The following NDRG4 variants were observed in gnomAD, a reference collection of about 807,000 sequenced individuals.
The protein encoded by NDRG4 is NDRG family member 4, also known as protein NDRG4.
NDRG4 carries 38 observed loss-of-function variants against 55.8 expected under a neutral mutation model. The observed-to-expected ratio is 0.68, with a 90% confidence interval of 0.53 to 0.89. The LOEUF (loss-of-function observed/expected upper bound fraction) is 0.89, where lower values mean the gene tolerates loss of function less well. Ranked by LOEUF, NDRG4 falls within the 40% of genes least tolerant of loss-of-function variation. The probability of loss-of-function intolerance (pLI) is 0.00; values close to 1 mark genes in which losing one functional copy is unlikely to be tolerated. For synonymous variants in NDRG4, 190 were observed against 182.7 expected (o/e 1.04, Z -0.32); for missense variants, 455 against 468.6 (o/e 0.97, Z 0.27).
chr16:58,487,647 G>A (rs1462698524), intron 1 of NDRG4: 14 of 797,260 alleles, frequency 1.8e-5, no homozygotes, highest in Non-Finnish European at 2.7e-5. Flanking sequence ...GGGGCCAGGG[G>A]GACAGTGCAT....
Position 58,512,806 on chromosome 16 carries a change from C to T in NDRG4, c.*1230C>T, listed in dbSNP as rs2038939417. The T allele has an allele frequency of 1.1e-4, 17 of 152,768 alleles. No individual in the cohort carries two copies. The Admixed American group carries it at 1.1e-3, about 10-fold the overall frequency. 9.5% of individuals were successfully genotyped at this position (152,768 alleles called of 1,614,324 possible). A position where few individuals can be genotyped will look rare whatever the true frequency, so the allele number is the denominator to read the frequency against. On this transcript the variant is annotated 3_prime_UTR_variant, in exon 15 of 15. Transcript: ENST00000570248. ...CCATAGCATCTTGCGGCCCAGAAACCAGAGCCATTTGTCTCAGACCCTAAA... is the reference window on the plus strand; with the variant it reads ...CCATAGCATCTTGCGGCCCAGAAACTAGAGCCATTTGTCTCAGACCCTAAA...
chr16:58,488,940 C>A (rs1333749105), intron 2 of NDRG4, among the ~76,000 whole-genome samples: 1 of 152,140 alleles, frequency 6.6e-6, no homozygotes, highest in Non-Finnish European at 1.5e-5. Flanking sequence ...AGCTGCTACC[C>A]CAGGATGCTT....
At chr16:58,481,789 G>T (rs1482822491) in intron 1 of NDRG4, among the ~76,000 whole-genome samples, 1 of 152,106 alleles carries the variant, frequency 6.6e-6, no homozygotes, top group Non-Finnish European at 1.5e-5. Flanking sequence ...CCTGAGGGAA[G>T]ATTGAGCCCC....
intron 5 of NDRG4, 68 bp from the exon 6 acceptor site, chr16:58,506,319 T>TTG: frequency 6.7e-7 from 1 of 1,482,868 alleles, no homozygotes; most frequent in Non-Finnish European, 9.4e-7. Context: ...CTTGAAGACT[T>TTG]TACAGAGTGT....
intron 2 of NDRG4, among the ~76,000 whole-genome samples, chr16:58,493,664 C>G (rs2036047386): frequency 6.6e-6 from 1 of 152,258 alleles, no homozygotes; most frequent in African/African-American, 2.4e-5. Flanking sequence ...AGCTTCTCCT[C>G]TAATCCTCAC....
chr16:58,489,875 C>T lies in NDRG4; in HGVS notation c.72+2025C>T, dbSNP rs573900706. Reference sequence around the variant, plus strand: ...TTTCTTTTCTTCTGAAGCAGGGTCTCACTCTGTCACCCAGGCTGGAGTGCA... The same window carrying T: ...TTTCTTTTCTTCTGAAGCAGGGTCTTACTCTGTCACCCAGGCTGGAGTGCA... On this transcript the variant is annotated intron_variant, in intron 2 of 15. Transcript: ENST00000258187. Among the ~76,000 whole-genome samples, 12 of 152,132 alleles carry T rather than the reference C, an allele frequency of 7.9e-5. No individual in the cohort carries two copies. The East Asian group carries it at 1.5e-3, about 20-fold the overall frequency.
At chr16:58,484,453 A>G (rs1472581109) in intron 1 of NDRG4, among the ~76,000 whole-genome samples, 4 of 152,338 alleles carry the variant, frequency 2.6e-5, no homozygotes, top group Non-Finnish European at 4.4e-5. Context: ...ATTGCAAATA[A>G]GTGAGGCTTT....
Position 58,505,710 on chromosome 16 carries a change from TTTC to T in NDRG4, c.373-674_373-672del, listed in dbSNP as rs200347211. Among the ~76,000 whole-genome samples, 263 of 122,718 alleles carry T rather than the reference TTTC, an allele frequency of 2.1e-3. 22 individuals carry two copies. The highest frequency in any genetic ancestry group is 0.014 in the East Asian group (46 of 3,352). The allele number at this position is 122,718 out of a possible 152,430, so 80.5% of individuals were successfully genotyped here. ...TTAATTTATATCATGAGGGCTTCATTTTCTTTTTTTTTTTTTTTTTTTTTTTTT... is the reference window on the plus strand; with the variant it reads ...TTAATTTATATCATGAGGGCTTCATTTTTTTTTTTTTTTTTTTTTTTTTTT... On this transcript the variant is annotated intron_variant, in intron 5 of 14. Coordinates refer to ENST00000570248, the MANE Select transcript of NDRG4 (RefSeq NM_001242835.2).
At chr16:58,468,152 T>G (rs2032074090) in intron 1 of NDRG4, among the ~76,000 whole-genome samples, 1 of 152,108 alleles carries the variant, frequency 6.6e-6, no homozygotes, top group South Asian at 2.1e-4. Context: ...AGGAGACCCA[T>G]GGGTTGTCAT....
chr16:58,473,631 C>A (rs1447142070), intron 1 of NDRG4, among the ~76,000 whole-genome samples: 1 of 152,190 alleles, frequency 6.6e-6, no homozygotes, highest in Non-Finnish European at 1.5e-5. Flanking sequence ...CTTCTCTCTT[C>A]CTCTCCTGCC....
Position 58,464,907 on chromosome 16 carries a change from G to T in NDRG4, c.-24+1110G>T, listed in dbSNP as rs1597006174. On this transcript the variant is annotated intron_variant, in intron 1 of 15. Coordinates refer to the NDRG4 transcript ENST00000258187. This position sits in a 1 kb window ranked among gnomAD's most constrained non-coding sequence, Gnocchi z 4.8. ...GGGGAGAAGTTTCTTGCTGGGAGTG[G>T]AGGCGACGCCAAGTGGCCTGGGAAG... 8.5e-7 allele frequency: 1 copy of T among 1,173,068 alleles called. No homozygotes were observed. The highest frequency in any genetic ancestry group is 6.5e-5 in the East Asian group (1 of 15,354). 72.7% of individuals were successfully genotyped at this position (1,173,068 alleles called of 1,614,324 possible).
intron 1 of NDRG4, chr16:58,500,679 TC>T: frequency 2.3e-6 from 1 of 438,992 alleles, no homozygotes. Context: ...CCTGGGGCCA[TC>T]AGGCCAGGGG....
At chr16:58,467,942 C>G (rs1435272240) in intron 1 of NDRG4, among the ~76,000 whole-genome samples, 1 of 152,226 alleles carries the variant, frequency 6.6e-6, no homozygotes, top group Non-Finnish European at 1.5e-5. Context: ...CAGATTCCCT[C>G]CCCGCAGGGT....
chr16:58,484,606 T>C (rs1411927967), intron 1 of NDRG4, among the ~76,000 whole-genome samples: 1 of 152,224 alleles, frequency 6.6e-6, no homozygotes, highest in Non-Finnish European at 1.5e-5. Flanking sequence ...AGCTTCTGTC[T>C]GCCCAGGCCC....
At chr16:58,467,855 G>A (rs186559281) in intron 1 of NDRG4, among the ~76,000 whole-genome samples, 15 of 152,348 alleles carry the variant, frequency 9.8e-5, no homozygotes, top group African/African-American at 3.1e-4. Flanking sequence ...CGTGGAGCTG[G>A]CGTCCTCAGG....
chr16:58,507,404 T>C (rs2038182594), intron 8 of NDRG4: 2 of 360,068 alleles, frequency 5.6e-6, no homozygotes, highest in Non-Finnish European at 1.0e-5. Context: ...TGCCCTGCCC[T>C]GCAGGAAGGT....
chr16:58,487,984 G>T lies in NDRG4; in HGVS notation c.72+134G>T, dbSNP rs553568508. The T allele has an allele frequency of 1.0e-4, 64 of 614,632 alleles. No individual in the cohort carries two copies. The African/African-American group carries it at 1.1e-3, about 11-fold the overall frequency. The allele number at this position is 614,632 out of a possible 1,614,324, so 38.1% of individuals were successfully genotyped here. On this transcript the variant is annotated intron_variant, in intron 2 of 15. Coordinates refer to the NDRG4 transcript ENST00000258187. ...ACCGAGAAGCCCTGTCCCTGCCTGT[G>T]GGGGGAGTTCCGGCAGGCCTGAGTG...
intron 7 of NDRG4, 85 bp from the exon 8 acceptor site, chr16:58,506,827 T>C: frequency 7.4e-7 from 1 of 1,360,460 alleles, no homozygotes; most frequent in East Asian, 2.4e-5. Context: ...AGGGCCACTC[T>C]GGCAGTGACA....
rs777667520 is a variant in NDRG4, at chr16:58,507,954, C to G, written c.684C>G (p.Pro228=). 6.2e-7 allele frequency: 1 copy of G among 1,604,836 alleles called. No homozygotes were observed. Among genetic ancestry groups the G allele is most frequent in the Admixed American group, 1.7e-5 (1 of 59,608 alleles). Residue 228 remains proline, a synonymous_variant, in exon 10 of 15, where the codon CCC becomes CCG. Coordinates refer to ENST00000570248, the MANE Select transcript of NDRG4 (RefSeq NM_001242835.2). ...TVPNAKTLRC[P]VMLVVGDNAP... ...TTTTCCTCTGTATCTGCAGCTGCCCCGTGATGCTGGTGGTTGGGGATAATG... is the reference window on the plus strand; with the variant it reads ...TTTTCCTCTGTATCTGCAGCTGCCCGGTGATGCTGGTGGTTGGGGATAATG...
Sources: gnomAD v4.1 joint callset for allele counts (sites outside exome capture counted in the v4.1 genomes callset) on GRCh38, gnomAD v4.1.1 for gene constraint, Gnocchi (gnomAD v3.1) non-coding constraint, MANE v1.5 for transcripts, NCBI Gene and HGNC (gene_info 2026-07-23, HGNC 2026-07-21) for gene names.